REPS2: variants seen among roughly 807,000 people sequenced by gnomAD.
REPS2 encodes the protein RALBP1 associated Eps domain containing 2.
Under a neutral mutation model 53.6 loss-of-function variants are expected in REPS2, and 23 were observed. The ratio of observed to expected loss-of-function variants is 0.43; its 90% confidence interval spans 0.31 to 0.61. The LOEUF is 0.61. Ranked by LOEUF, REPS2 falls within the 20% of genes least tolerant of loss-of-function variation. The probability of loss-of-function intolerance (pLI) is 0.11; values close to 1 mark genes in which losing one functional copy is unlikely to be tolerated. For synonymous variants in REPS2, 238 were observed against 218.6 expected (o/e 1.09, Z -0.78); for missense variants, 446 against 534.9 (o/e 0.83, Z 1.64).
intron 14 of REPS2, among the ~76,000 whole-genome samples, chrX:17,116,385 A>AT (rs1192503138): frequency 1.8e-5 from 2 of 109,211 alleles, no homozygotes; most frequent in Non-Finnish European, 3.8e-5. Flanking sequence ...AATTTTTTGT[A>AT]TTTTTTGTAG....
chrX:17,182,370 G>A, the REPS2 span, among the ~76,000 whole-genome samples: 2 of 111,529 alleles, frequency 1.8e-5, no homozygotes, highest in Admixed American at 9.5e-5. Flanking sequence ...GACCGAATAA[G>A]GTTGCAAGAT....
chrX:17,119,868 CTTTTTTTTTTTTTT>C (rs35141257), intron 14 of REPS2, among the ~76,000 whole-genome samples: 4 of 40,516 alleles, frequency 9.9e-5, no homozygotes, highest in South Asian at 4.8e-3. Context: ...CGCACTGTGA[CTTTTTTTTTTTTTT>C]TTTTTTTTTT....
At chrX:17,052,968 C>T (rs780118640) in intron 7 of REPS2, among the ~76,000 whole-genome samples, 1 of 111,244 alleles carries the variant, frequency 9.0e-6, no homozygotes, top group African/African-American at 3.3e-5. Flanking sequence ...GCTGTGGTAT[C>T]CACTGCACCT....
the REPS2 span, among the ~76,000 whole-genome samples, chrX:17,161,480 G>A: frequency 9.0e-6 from 1 of 111,563 alleles, no homozygotes; most frequent in East Asian, 2.8e-4. Flanking sequence ...AAGGTTTATA[G>A]CTAGCAACAA....
chrX:17,099,954 A>G (rs2062763616), intron 13 of REPS2: 9 of 1,157,687 alleles, frequency 7.8e-6, no homozygotes, highest in Non-Finnish European at 1.1e-5. Context: ...TGTAGCTCCA[A>G]TAATCTGCTC....
At chrX:16,965,646 C>G (rs909021180) in intron 1 of REPS2, among the ~76,000 whole-genome samples, 1 of 112,541 alleles carries the variant, frequency 8.9e-6, no homozygotes, top group Non-Finnish European at 1.9e-5. Flanking sequence ...GGCAGAGACG[C>G]TCCTCACTTC....
At chrX:17,156,432 T>G (rs2063615928), downstream of REPS2, among the ~76,000 whole-genome samples, 1 of 109,522 alleles carries the variant, frequency 9.1e-6, no homozygotes, top group African/African-American at 3.3e-5. Context: ...ATATGTATTT[T>G]AAAACTCAAC....
intron 2 of REPS2, among the ~76,000 whole-genome samples, chrX:17,008,087 G>C (rs1268764370): frequency 8.9e-6 from 1 of 112,280 alleles, no homozygotes; most frequent in Non-Finnish European, 1.9e-5. Context: ...ACAGAATTTT[G>C]TTCTTTGAAA....
chrX:17,087,335 A>G (rs2062551039), intron 13 of REPS2, among the ~76,000 whole-genome samples: 1 of 112,074 alleles, frequency 8.9e-6, no homozygotes, highest in South Asian at 3.7e-4. Flanking sequence ...ATATTAGCTC[A>G]GTAAGGGACA....
chrX:17,166,150 G>A, the REPS2 span, among the ~76,000 whole-genome samples: 1 of 111,447 alleles, frequency 9.0e-6, no homozygotes, highest in Non-Finnish European at 1.9e-5. Context: ...AATAACAATA[G>A]CGGGGTTGGA....
chrX:17,129,705 T>C (rs2063266752), intron 14 of REPS2, among the ~76,000 whole-genome samples: 1 of 112,381 alleles, frequency 8.9e-6, no homozygotes, highest in Admixed American at 9.4e-5. Context: ...TAGAGATGTT[T>C]AAGAGAAAAG....
At chrX:17,110,751 C>T (rs746995519) in intron 14 of REPS2, among the ~76,000 whole-genome samples, 11 of 109,999 alleles carry the variant, frequency 1.0e-4, no homozygotes, top group Non-Finnish European at 2.1e-4. Flanking sequence ...TAGTGGCTCA[C>T]GCCTGTAATC....
At chrX:16,993,604 G>A (rs1385274693) in intron 1 of REPS2, among the ~76,000 whole-genome samples, 1 of 112,306 alleles carries the variant, frequency 8.9e-6, no homozygotes, top group Non-Finnish European at 1.9e-5. Flanking sequence ...AGAAGCATAA[G>A]TGACCCTCAT....
At chrX:17,059,821 C>G (rs1204038785) in intron 8 of REPS2, among the ~76,000 whole-genome samples, 2 of 111,329 alleles carry the variant, frequency 1.8e-5, no homozygotes, top group African/African-American at 3.3e-5. Context: ...ATTTTACTTG[C>G]AATTATGGAA....
chrX:17,091,695 A>G (rs780548776), intron 13 of REPS2, among the ~76,000 whole-genome samples: 7 of 111,602 alleles, frequency 6.3e-5, no homozygotes, highest in Non-Finnish European at 1.1e-4. Context: ...TATTTCTGGA[A>G]AGGTGTTCTT....
At chrX:17,091,891 T>C (rs1177688656) in intron 13 of REPS2, among the ~76,000 whole-genome samples, 5 of 112,376 alleles carry the variant, frequency 4.4e-5, no homozygotes. Context: ...GAATGGTCCT[T>C]ACTGATGAAA....
At chrX:16,963,259 C>T (rs759924265) in intron 1 of REPS2, among the ~76,000 whole-genome samples, 31 of 111,951 alleles carry the variant, frequency 2.8e-4, no homozygotes, top group Non-Finnish European at 4.9e-4. Flanking sequence ...TTGAGCAAAC[C>T]ACGCCTTAAA....
chrX:17,029,471 A>T, intron 4 of REPS2, 55 bp from the exon 5 acceptor site: 1 of 866,987 alleles, frequency 1.2e-6, no homozygotes, highest in Non-Finnish European at 1.7e-6. Flanking sequence ...GTGAAGTCAT[A>T]ATTTTTGAAT....
At chrX:17,096,126 C>A (rs928364140) in intron 13 of REPS2, among the ~76,000 whole-genome samples, 2 of 111,721 alleles carry the variant, frequency 1.8e-5, no homozygotes, top group African/African-American at 6.5e-5. Context: ...AGTATCAAGC[C>A]AAGATTTTAG....
Sources: gnomAD v4.1 joint callset for allele counts (sites outside exome capture counted in the v4.1 genomes callset) on GRCh38, gnomAD v4.1.1 for gene constraint, MANE v1.5 for transcripts, NCBI Gene and HGNC (gene_info 2026-07-23, HGNC 2026-07-21) for gene names.